PTPN13: variants seen among roughly 807,000 people sequenced by gnomAD.
PTPN13 encodes protein tyrosine phosphatase non-receptor type 13, also known as tyrosine-protein phosphatase non-receptor type 13.
In PTPN13, 191 loss-of-function variants were observed where a neutral mutation model predicts 284.0. That is an observed-to-expected ratio of 0.67 (90% CI 0.60 to 0.76). The LOEUF (loss-of-function observed/expected upper bound fraction) is 0.76. Ranked by LOEUF, PTPN13 falls within the 30% of genes least tolerant of loss-of-function variation. PTPN13 has a pLI of 0.00. For synonymous variants in PTPN13, 986 were observed against 1,022.3 expected, an observed-to-expected ratio of 0.96 and a Z score of 0.68; for missense variants, 2,797 against 2,939.9, an observed-to-expected ratio of 0.95 and a Z score of 1.12.
chr4:86,730,388 G>A (rs1205385744), intron 10 of PTPN13, among the ~76,000 whole-genome samples: 3 of 149,852 alleles, frequency 2.0e-5, no homozygotes, highest in African/African-American at 7.3e-5. Flanking sequence ...GCTTCCTTTT[G>A]TTCAGCTATG....
chr4:86,682,143 T>A (rs1292335124), intron 3 of PTPN13, among the ~76,000 whole-genome samples: 1 of 152,154 alleles, frequency 6.6e-6, no homozygotes, highest in Non-Finnish European at 1.5e-5. Flanking sequence ...TCAGAAAAAA[T>A]GTTGACTAAA....
At chr4:86,652,092 G>C (rs772714528) in intron 2 of PTPN13, among the ~76,000 whole-genome samples, 1 of 151,910 alleles carries the variant, frequency 6.6e-6, no homozygotes, top group South Asian at 2.1e-4. Context: ...TGAACCATCT[G>C]TTAAAAACAA....
Position 86,764,577 on chromosome 4 carries a change from GT to G in PTPN13, c.4018-11del. 1 of 1,409,920 alleles carries G rather than the reference GT, an allele frequency of 7.1e-7. No individual in the cohort carries two copies. 87.3% of individuals were successfully genotyped at this position (1,409,920 alleles called of 1,614,324 possible). ...TGACTCTAACAAGAAATCTTTGTTT[GT>G]TTTTCTTTGTTAAGGAATCTTCCTC... On this transcript the variant is annotated splice_polypyrimidine_tract_variant and intron_variant, in intron 24 of 47. Transcript: ENST00000411767.
intron 20 of PTPN13, among the ~76,000 whole-genome samples, chr4:86,753,289 GGAAGC>G (rs1565489024): frequency 6.6e-6 from 1 of 152,032 alleles, no homozygotes; most frequent in Non-Finnish European, 1.5e-5. Context: ...ACACTAATTG[GGAAGC>G]TAAGATAATA....
At chr4:86,752,280 A>G (rs985513540) in intron 19 of PTPN13, among the ~76,000 whole-genome samples, 4 of 152,168 alleles carry the variant, frequency 2.6e-5, no homozygotes, top group Admixed American at 6.6e-5. Context: ...TTATTCTATA[A>G]TTGGATTCAG....
chr4:86,762,548 G>A (rs891073602), intron 23 of PTPN13, among the ~76,000 whole-genome samples, 179 bp from the exon 24 acceptor site: 3 of 152,118 alleles, frequency 2.0e-5, no homozygotes, highest in African/African-American at 7.2e-5. Flanking sequence ...TTTCAATAGA[G>A]GTTGTCACAA....
chr4:86,643,737 G>T (rs377203997), intron 2 of PTPN13, among the ~76,000 whole-genome samples: 1 of 151,926 alleles, frequency 6.6e-6, no homozygotes, highest in Non-Finnish European at 1.5e-5. Flanking sequence ...TAATCTGTTC[G>T]GTCTAATCAT....
Position 86,718,007 on chromosome 4 carries a change from A to G in PTPN13, c.1385+890A>G, listed in dbSNP as rs28637868. Reference sequence around the variant, plus strand: ...AGGTGTTAGTATTATGTTTGTGCTCAGCTTAGGATGGTGGTATTATAGCTG... The same window carrying G: ...AGGTGTTAGTATTATGTTTGTGCTCGGCTTAGGATGGTGGTATTATAGCTG... On this transcript the variant is annotated intron_variant, in intron 9 of 47. Transcript: ENST00000411767. Among the ~76,000 whole-genome samples, 707 of 152,260 alleles carry G rather than the reference A, an allele frequency of 4.6e-3. 4 individuals are homozygous for G. The highest frequency in any genetic ancestry group is 0.016 in the African/African-American group (681 of 41,558).
At chr4:86,745,826 A>C (rs578023550) in intron 17 of PTPN13, among the ~76,000 whole-genome samples, 1 of 152,270 alleles carries the variant, frequency 6.6e-6, no homozygotes, top group African/African-American at 2.4e-5. Flanking sequence ...AACAGACTTT[A>C]TGACCTATAC....
chr4:86,618,614 T>G (rs1720864308), intron 1 of PTPN13, among the ~76,000 whole-genome samples: 3 of 152,192 alleles, frequency 2.0e-5, no homozygotes. Context: ...GGGCAGTGGT[T>G]TGTAGTTCTC....
intron 3 of PTPN13, among the ~76,000 whole-genome samples, chr4:86,674,680 G>A (rs1222072036): frequency 6.6e-6 from 1 of 152,132 alleles, no homozygotes; most frequent in Non-Finnish European, 1.5e-5. Flanking sequence ...TAATGCTTAA[G>A]GCATTAGACT....
intron 7 of PTPN13, among the ~76,000 whole-genome samples, chr4:86,708,547 A>G (rs2149038026): frequency 6.6e-6 from 1 of 152,196 alleles, no homozygotes; most frequent in Non-Finnish European, 1.5e-5. Flanking sequence ...ATTTAAATCT[A>G]CTCATAGCAT....
At chr4:86,773,083 A>G in intron 32 of PTPN13, 125 bp downstream of exon 32, 2 of 667,268 alleles carry the variant, frequency 3.0e-6, no homozygotes, top group South Asian at 5.3e-5. Context: ...TAATAAATGG[A>G]TAACATATCT....
intron 23 of PTPN13, among the ~76,000 whole-genome samples, chr4:86,761,415 T>G (rs1332774446): frequency 6.6e-6 from 1 of 152,066 alleles, no homozygotes; most frequent in African/African-American, 2.4e-5. Flanking sequence ...AATACACCAT[T>G]GAAAATGTAT....
intron 2 of PTPN13, among the ~76,000 whole-genome samples, chr4:86,639,305 G>A (rs1308411749): frequency 2.6e-5 from 4 of 152,054 alleles, no homozygotes; most frequent in Admixed American, 1.3e-4. Context: ...AATACCATTT[G>A]ACCCAGCCAT....
intron 26 of PTPN13, among the ~76,000 whole-genome samples, 170 bp downstream of exon 26, chr4:86,765,658 T>C (rs1234731753): frequency 6.6e-6 from 1 of 152,192 alleles, no homozygotes. Flanking sequence ...AAAACTCTTC[T>C]TTCCAGCTTA....
intron 2 of PTPN13, among the ~76,000 whole-genome samples, chr4:86,652,232 A>C (rs552237028): frequency 6.6e-6 from 1 of 152,164 alleles, no homozygotes; most frequent in East Asian, 1.9e-4. Flanking sequence ...TTTCTCTTTA[A>C]AAGTTATTTT....
At chr4:86,707,575 G>A (rs1731904313) in intron 7 of PTPN13, among the ~76,000 whole-genome samples, 1 of 152,104 alleles carries the variant, frequency 6.6e-6, no homozygotes, top group African/African-American at 2.4e-5. Flanking sequence ...TTATAAGTGT[G>A]TGAGTTCATG....
In PTPN13 at chr4:86,772,792, T is replaced by C. The variant is rs1740152554; in HGVS notation, c.5183T>C (p.Leu1728Pro). 2 of 1,604,802 alleles carry C rather than the reference T, an allele frequency of 1.2e-6. No individual in the cohort carries two copies. Among genetic ancestry groups the C allele is most frequent in the East Asian group, 4.5e-5 (2 of 44,672 alleles). ...PEFEDSNPSP[L>P]PPDMAPGQSY... ...TGTCTCTGTAGTAATCCTTCCCCTCTACCACCGGATATGGCTCCTGGGCAG... is the reference window on the plus strand; with the variant it reads ...TGTCTCTGTAGTAATCCTTCCCCTCCACCACCGGATATGGCTCCTGGGCAG... Residue 1728 changes from leucine to proline, a missense_variant, in exon 32 of 48, where the codon CTA (leucine) becomes CCA (proline). By Grantham distance (98) the Leu-to-Pro change is moderately conservative (BLOSUM62 -3). Coordinates refer to ENST00000411767, the MANE Select transcript of PTPN13 (RefSeq NM_080683.3).
Sources: gnomAD v4.1 joint callset for allele counts (sites outside exome capture counted in the v4.1 genomes callset) on GRCh38, gnomAD v4.1.1 for gene constraint, MANE v1.5 for transcripts, NCBI Gene and HGNC (gene_info 2026-07-23, HGNC 2026-07-21) for gene names.